The following QTMAN variants were observed in gnomAD, a reference collection of about 807,000 sequenced individuals.
QTMAN encodes queuosine-tRNA mannosyltransferase.
At chr2:144,321,704 G>C in the QTMAN span, among the ~76,000 whole-genome samples, 1 of 152,128 alleles carries the variant, frequency 6.6e-6, no homozygotes, top group Admixed American at 6.5e-5. Flanking sequence ...CTGGGCTCAA[G>C]AAATCCTCCC....
At chr2:144,107,520 T>A in the QTMAN span, among the ~76,000 whole-genome samples, 40 of 152,246 alleles carry the variant, frequency 2.6e-4, no homozygotes, top group South Asian at 3.7e-3. Context: ...ATGGATAAAT[T>A]CCTGGACACA....
the QTMAN span, among the ~76,000 whole-genome samples, chr2:144,253,095 G>C: frequency 6.6e-6 from 1 of 152,242 alleles, no homozygotes; most frequent in East Asian, 1.9e-4. Flanking sequence ...TCTCATGATA[G>C]TGAGTTGTCA....
chr2:144,116,953 T>C, the QTMAN span, among the ~76,000 whole-genome samples: 1 of 152,140 alleles, frequency 6.6e-6, no homozygotes, highest in Admixed American at 6.5e-5. Context: ...GTTTTGTCAC[T>C]CTAGGGACTA....
the QTMAN span, among the ~76,000 whole-genome samples, chr2:144,157,787 CTA>C: frequency 1.3e-4 from 19 of 151,520 alleles, no homozygotes; most frequent in East Asian, 1.9e-4. Context: ...ACATATATAA[CTA>C]TATATATGTA....
chr2:144,094,655 A>G, the QTMAN span, among the ~76,000 whole-genome samples: 1 of 152,224 alleles, frequency 6.6e-6, no homozygotes, highest in South Asian at 2.1e-4. Flanking sequence ...CACCCCCGTG[A>G]TTCAATGATC....
chr2:144,155,781 T>C, the QTMAN span, among the ~76,000 whole-genome samples: 2 of 152,028 alleles, frequency 1.3e-5, no homozygotes, highest in Admixed American at 1.3e-4. Flanking sequence ...AAGTACAGAG[T>C]GGCTTTTGGA....
At chr2:144,083,029 A>G in the QTMAN span, among the ~76,000 whole-genome samples, 2 of 152,154 alleles carry the variant, frequency 1.3e-5, no homozygotes, top group Non-Finnish European at 2.9e-5. Context: ...CTCCCTCTCT[A>G]GAGGCCGGCA....
At chr2:144,191,460 A>ATT in the QTMAN span, among the ~76,000 whole-genome samples, 33 of 152,352 alleles carry the variant, frequency 2.2e-4, no homozygotes, top group African/African-American at 7.0e-4. Context: ...GCAATTGCTG[A>ATT]ATAATGGAGT....
chr2:143,946,794 G>A, the QTMAN span: 4 of 471,170 alleles, frequency 8.5e-6, no homozygotes, highest in Admixed American at 3.7e-5. Context: ...TCTCCTACAT[G>A]TGATGCCGAG....
At chr2:144,261,362 A>G in the QTMAN span, among the ~76,000 whole-genome samples, 318 of 152,356 alleles carry the variant, frequency 2.1e-3, 1 homozygote, top group African/African-American at 7.1e-3. Context: ...AAGCAAAAAT[A>G]ATAACCAGCA....
chr2:144,088,675 T>C, the QTMAN span, among the ~76,000 whole-genome samples: 1 of 151,916 alleles, frequency 6.6e-6, no homozygotes, highest in African/African-American at 2.4e-5. Context: ...CACATATTCA[T>C]AGCCAACTGG....
At chr2:144,261,392 T>C in the QTMAN span, among the ~76,000 whole-genome samples, 1 of 152,204 alleles carries the variant, frequency 6.6e-6, no homozygotes, top group Admixed American at 6.5e-5. Flanking sequence ...AAGATTTTTT[T>C]TTTCAAAAAT....
chr2:144,236,357 AT>A, the QTMAN span, among the ~76,000 whole-genome samples: 1 of 152,244 alleles, frequency 6.6e-6, no homozygotes, highest in East Asian at 1.9e-4. Context: ...CAGTCCTGTG[AT>A]CCCTGTAAGC....
chr2:144,211,832 T>A, the QTMAN span, among the ~76,000 whole-genome samples: 1 of 152,316 alleles, frequency 6.6e-6, no homozygotes, highest in East Asian at 1.9e-4. Flanking sequence ...GTTGCCCATT[T>A]CAGCAATAGT....
At chr2:144,147,771 T>C in the QTMAN span, among the ~76,000 whole-genome samples, 1 of 151,772 alleles carries the variant, frequency 6.6e-6, no homozygotes, top group Non-Finnish European at 1.5e-5. Flanking sequence ...ACCAATGTAA[T>C]CAAGTGATCA....
the QTMAN span, among the ~76,000 whole-genome samples, chr2:144,163,428 C>T: frequency 6.6e-6 from 1 of 151,972 alleles, no homozygotes; most frequent in East Asian, 1.9e-4. Flanking sequence ...AGGCTTTTAC[C>T]TATTGAAGTC....
chr2:144,170,770 C>A, the QTMAN span, among the ~76,000 whole-genome samples: 1 of 152,046 alleles, frequency 6.6e-6, no homozygotes, highest in African/African-American at 2.4e-5. Flanking sequence ...TTCTTTAGGA[C>A]AAATACATAC....
the QTMAN span, among the ~76,000 whole-genome samples, chr2:144,051,317 G>A: frequency 9.2e-5 from 14 of 152,012 alleles, no homozygotes; most frequent in Non-Finnish European, 1.8e-4. Context: ...GACTACTTGA[G>A]GCCAAGAGTT....
chr2:144,060,330 G>A, the QTMAN span, among the ~76,000 whole-genome samples: 3 of 151,418 alleles, frequency 2.0e-5, no homozygotes, highest in South Asian at 6.2e-4. Flanking sequence ...GCACGATCTC[G>A]GCTCACTGCA....
Sources: gnomAD v4.1 joint callset for allele counts (sites outside exome capture counted in the v4.1 genomes callset) on GRCh38, gnomAD v4.1.1 for gene constraint, MANE v1.5 for transcripts, NCBI Gene and HGNC (gene_info 2026-07-23, HGNC 2026-07-21) for gene names.